Variants in BEND2 observed in about 807,000 individuals in gnomAD.
BEND2 encodes BEN domain containing 2.
BEND2 carries 19 observed loss-of-function variants against 43.8 expected under a neutral mutation model. The observed-to-expected ratio is 0.43, with a 90% CI of 0.30 to 0.64. The LOEUF (loss-of-function observed/expected upper bound fraction) is 0.64, where lower values mean the gene tolerates loss of function less well. Among genes scored for constraint, BEND2 ranks in the 30% least tolerant of loss-of-function variants. The pLI, the probability that BEND2 is intolerant of heterozygous loss-of-function variation, is 0.11. For synonymous variants in BEND2, 226 were observed against 210.1 expected (o/e 1.08, Z -0.66); for missense variants, 544 against 574.0 (o/e 0.95, Z 0.53).
chrX:18,190,152 G>A (rs764273797), intron 8 of BEND2, among the ~76,000 whole-genome samples: 78 of 111,688 alleles, frequency 7.0e-4, no homozygotes, highest in Non-Finnish European at 1.2e-3. Flanking sequence ...AGCCACTCTG[G>A]AAATAGTTGA....
chrX:18,177,189 C>T (rs1053476225), intron 10 of BEND2, among the ~76,000 whole-genome samples: 13 of 107,124 alleles, frequency 1.2e-4, no homozygotes, highest in African/African-American at 4.4e-4. Flanking sequence ...TTGCTAGTCA[C>T]TAGCACTGAC....
intron 4 of BEND2, among the ~76,000 whole-genome samples, chrX:18,211,800 G>A (rs1925511505): frequency 9.1e-6 from 1 of 109,615 alleles, no homozygotes; most frequent in Non-Finnish European, 1.9e-5. Context: ...AAAAAAAATG[G>A]GTAAGCAAAT....
intron 6 of BEND2, among the ~76,000 whole-genome samples, chrX:18,200,782 A>G (rs1353744518): frequency 8.9e-6 from 1 of 111,858 alleles, no homozygotes; most frequent in Non-Finnish European, 1.9e-5. Flanking sequence ...GCATCATTGC[A>G]GTGATAGAAA....
chrX:18,195,304 G>C lies in BEND2; in HGVS notation c.1172C>G (p.Ser391Cys). Residue 391 changes from serine to cysteine, a missense_variant, in exon 7 of 14, where the codon TCT (serine) becomes TGT (cysteine). By Grantham distance (112) the Ser-to-Cys change is moderately radical. Transcript: ENST00000380033. Reference protein sequence around the residue: ...YPASSYLPITSNFESGPQMSY... With the variant: ...YPASSYLPITCNFESGPQMSY... ...CATTATTTCAAACTCACCAAAATTA[G>C]AAGTGATGGGAAGATATGAAGAGGC... is the stretch of plus-strand genomic sequence containing the variant. The C allele has an allele frequency of 3.3e-6, 4 of 1,203,367 alleles. No individual in the cohort carries two copies. The highest frequency in any genetic ancestry group is 4.5e-6 in the Non-Finnish European group (4 of 892,530).
chrX:18,173,692 C>T (rs941753702), intron 12 of BEND2, among the ~76,000 whole-genome samples: 2 of 111,625 alleles, frequency 1.8e-5, no homozygotes, highest in Non-Finnish European at 3.8e-5. Context: ...TGCGCACCTG[C>T]AATGTGCCAG....
In BEND2 at chrX:18,165,076, A is replaced by G. The variant is rs1044618335; in HGVS notation, c.2333T>C (p.Val778Ala). 9.1e-6 allele frequency: 11 copies of G among 1,208,101 alleles called. No individual in the cohort carries two copies. In the African/African-American group the frequency reaches 1.4e-4, roughly 15 times the overall value. The stretch of plus-strand genomic sequence containing the variant: ...CTCCTGCTCCAGCTCTGGAGGGGTC[A>G]CTGCTGGAAGCGACTGAGACCTGGC... ...AEARSQSLPA[V>A]TPPELEQESK... Residue 778 changes from valine (V) to alanine (A), a missense_variant, in exon 14 of 14, where the codon GTG becomes GCG. This residue lies in a region of BEND2 where 43 missense variants were observed against 72.4 expected (regional missense o/e 0.59). Transcript: ENST00000380033.
intron 7 of BEND2, 93 bp from the exon 8 acceptor site, chrX:18,191,201 C>T: frequency 1.5e-6 from 1 of 653,746 alleles, no homozygotes. Flanking sequence ...TGAAACTATC[C>T]TTCAGGAATA....
intron 13 of BEND2, among the ~76,000 whole-genome samples, chrX:18,169,233 T>C (rs1923902335): frequency 9.0e-6 from 1 of 111,413 alleles, no homozygotes; most frequent in South Asian, 3.7e-4. Flanking sequence ...GTAGCAAAAG[T>C]ATAAAACATG....
intron 9 of BEND2, among the ~76,000 whole-genome samples, chrX:18,178,163 G>A (rs1342875071): frequency 8.9e-6 from 1 of 111,992 alleles, no homozygotes; most frequent in Non-Finnish European, 1.9e-5. Flanking sequence ...ATTCCACTGG[G>A]CAAGTGGATG....
At chrX:18,191,261 G>A (rs929134878) in intron 7 of BEND2, among the ~76,000 whole-genome samples, 153 bp from the exon 8 acceptor site, 3 of 111,728 alleles carry the variant, frequency 2.7e-5, no homozygotes, top group Non-Finnish European at 5.6e-5. Context: ...AAAAAACGGT[G>A]ACTGGCTGAC....
Position 18,191,080 on chromosome X carries a change from T to C in BEND2, c.1209A>G (p.Thr403=). The C allele has an allele frequency of 8.3e-7, 1 of 1,209,073 alleles. No homozygotes were observed. Among genetic ancestry groups the C allele is most frequent in the Non-Finnish European group, 1.1e-6 (1 of 894,004 alleles). The change falls in exon 8 of 14, where the codon ACA becomes ACG. Residue 403 remains threonine (T), a synonymous_variant. Coordinates refer to ENST00000380033, the MANE Select transcript of BEND2 (RefSeq NM_153346.5). ...FESGPQMSYG[T]MSYSTEMKNN... ...TTTTCATTTCAGTTGAGTAACTCAT[T>C]GTCCCATAACTCATTTGTGGGCCAG... is the stretch of plus-strand genomic sequence containing the variant.
chrX:18,202,547 C>T, intron 5 of BEND2, among the ~76,000 whole-genome samples: 1 of 111,718 alleles, frequency 9.0e-6, no homozygotes, highest in Non-Finnish European at 1.9e-5. Flanking sequence ...GGACACAGTG[C>T]TCCTCTCTTG....
chrX:18,177,637 C>CT lies in BEND2; in HGVS notation c.1561dup (p.Ser521LysfsTer34). On this transcript the variant is annotated frameshift_variant, in exon 10 of 14. Coordinates refer to ENST00000380033, the MANE Select transcript of BEND2 (RefSeq NM_153346.5). LOFTEE classifies it high-confidence loss of function. ...TTTCAAATGGATATCCACTGAGCTG[C>CT]TAATCAGGATTTCCTTGGAGAACAA... 8.3e-7 allele frequency: 1 copy of CT among 1,211,343 alleles called. No individual in the cohort carries two copies. Among genetic ancestry groups the CT allele is most frequent in the Non-Finnish European group, 1.1e-6 (1 of 895,304 alleles).
rs147377600 is a variant in BEND2, at chrX:18,199,343, G to A, written c.1033+2472C>T. 3.8e-3 allele frequency among the ~76,000 whole-genome samples: 427 copies of A among 111,524 alleles called. 2 individuals carry two copies. The highest frequency in any genetic ancestry group is 0.014 in the African/African-American group (418 of 30,760). On this transcript the variant is annotated intron_variant, in intron 6 of 13. Coordinates refer to ENST00000380033, the MANE Select transcript of BEND2 (RefSeq NM_153346.5). Reference sequence around the variant, plus strand: ...GGCAAGATGAGAGGCAAGGGAGATTGGGGGAGGTGGCTATGGTTTTAAAAG... The same window carrying A: ...GGCAAGATGAGAGGCAAGGGAGATTAGGGGAGGTGGCTATGGTTTTAAAAG...
At chrX:18,184,189 G>A (rs776124561) in intron 8 of BEND2, among the ~76,000 whole-genome samples, 9 of 111,345 alleles carry the variant, frequency 8.1e-5, no homozygotes, top group Non-Finnish European at 1.1e-4. Context: ...TTGGGGGGAC[G>A]TAAGGGAAGA....
In BEND2 at chrX:18,174,233, C is replaced by T. The variant is rs376896420; in HGVS notation, c.1778G>A (p.Arg593His). 91 of 1,208,988 alleles carry T rather than the reference C, an allele frequency of 7.5e-5. No homozygotes were observed. The highest frequency in any genetic ancestry group is 9.5e-5 in the Non-Finnish European group (85 of 894,795). The change falls in exon 12 of 14, where the codon CGT becomes CAT. Residue 593 changes from arginine (R) to histidine (H), a missense_variant. Around this residue, in one of 2 missense-constraint regions of BEND2, gnomAD observed 501 missense variants for 501.6 expected, o/e 1.00. Coordinates refer to ENST00000380033, the MANE Select transcript of BEND2 (RefSeq NM_153346.5). Reference sequence around the variant, plus strand: ...AGATGCCGATGCAACACGGTTGGTACGTTTTTTATTTTTGCGAACAGTTTT... The same window carrying T: ...AGATGCCGATGCAACACGGTTGGTATGTTTTTTATTTTTGCGAACAGTTTT... Reference protein sequence around the residue: ...TPKTVRKNKKRTNRVASASAD... With the variant: ...TPKTVRKNKKHTNRVASASAD...
At chrX:18,174,375 G>A in intron 11 of BEND2, 117 bp from the exon 12 acceptor site, 1 of 605,753 alleles carries the variant, frequency 1.7e-6, no homozygotes, top group Non-Finnish European at 2.6e-6. Flanking sequence ...TCTTTAAAAG[G>A]TGGGCTGAAG....
At chrX:18,191,651 C>T (rs1404633638) in intron 7 of BEND2, among the ~76,000 whole-genome samples, 1 of 110,605 alleles carries the variant, frequency 9.0e-6, no homozygotes, top group Non-Finnish European at 1.9e-5. Context: ...AAAAGATAAA[C>T]AAACCACGGT....
intron 8 of BEND2, among the ~76,000 whole-genome samples, chrX:18,184,135 T>C (rs1304907264): frequency 1.8e-5 from 2 of 111,375 alleles, no homozygotes; most frequent in African/African-American, 6.5e-5. Flanking sequence ...GTGTCACCCC[T>C]TCCCCAGCTC....
Sources: gnomAD v4.1 joint callset for allele counts (sites outside exome capture counted in the v4.1 genomes callset) on GRCh38, gnomAD v4.1.1 for gene constraint, gnomAD v4.1.1 regional missense constraint, MANE v1.5 for transcripts, NCBI Gene and HGNC (gene_info 2026-07-23, HGNC 2026-07-21) for gene names.